The following ESR1 variants were observed in gnomAD, a reference collection of about 807,000 sequenced individuals.
ESR1 encodes the protein estrogen receptor 1.
ESR1 carries 12 observed loss-of-function variants against 52.7 expected under a neutral mutation model. The observed-to-expected ratio is 0.23, with a 90% CI of 0.15 to 0.37. The LOEUF is 0.37. ESR1 is among the 10% of genes least tolerant of loss of function. ESR1 has a pLI of 1.00. For missense variants in ESR1, 584 were observed against 779.7 expected (o/e 0.75, Z 2.99); for synonymous variants, 305 against 316.8 (o/e 0.96, Z 0.39).
chr6:151,957,197 C>G (rs1446560686), intron 4 of ESR1, among the ~76,000 whole-genome samples: 3 of 152,032 alleles, frequency 2.0e-5, no homozygotes, highest in Non-Finnish European at 4.4e-5. Flanking sequence ...TATATTACAG[C>G]CGTTGAAGGA....
chr6:151,808,011 C>T lies in ESR1; in HGVS notation c.99C>T (p.Ile33=), dbSNP rs562174818. The T allele has an allele frequency of 6.2e-6, 10 of 1,613,912 alleles. No homozygotes were observed. The South Asian group carries it at 7.7e-5, about 12-fold the overall frequency. Residue 33 remains isoleucine (I), a synonymous_variant, in exon 1 of 8, where the codon ATC becomes ATT. Transcript: ENST00000206249. Reference sequence around the variant, plus strand: ...CCCTGAACCGTCCGCAGCTCAAGATCCCCCTGGAGCGGCCCCTGGGCGAGG... The same window carrying T: ...CCCTGAACCGTCCGCAGCTCAAGATTCCCCTGGAGCGGCCCCTGGGCGAGG... ...LEPLNRPQLK[I]PLERPLGEVY... is the part of the protein sequence containing the mutation.
intron 3 of ESR1, among the ~76,000 whole-genome samples, chr6:151,896,899 G>A (rs999066160): frequency 2.0e-5 from 3 of 151,964 alleles, no homozygotes; most frequent in African/African-American, 4.8e-5. Flanking sequence ...TGTTCAATTC[G>A]AAGAATTTTA....
intron 6 of ESR1, among the ~76,000 whole-genome samples, chr6:152,069,991 C>T (rs1214776347): frequency 3.6e-5 from 5 of 137,506 alleles, no homozygotes; most frequent in Non-Finnish European, 1.5e-5. Flanking sequence ...GTAGGATTAG[C>T]TGGAGTCAGA....
intron 3 of ESR1, among the ~76,000 whole-genome samples, chr6:151,913,261 G>A (rs190542615): frequency 6.6e-6 from 1 of 152,160 alleles, no homozygotes; most frequent in East Asian, 1.9e-4. Flanking sequence ...CACCTACTTT[G>A]TCACGTCACA....
intron 4 of ESR1, among the ~76,000 whole-genome samples, chr6:151,945,805 T>C (rs1172194637): frequency 6.6e-6 from 1 of 152,208 alleles, no homozygotes; most frequent in Non-Finnish European, 1.5e-5. Context: ...TGTCTGGCCT[T>C]AGAGAATCTT....
chr6:151,979,828 T>A (rs1480205731), intron 4 of ESR1, among the ~76,000 whole-genome samples: 3 of 152,174 alleles, frequency 2.0e-5, no homozygotes, highest in Non-Finnish European at 4.4e-5. Flanking sequence ...AATACCAAAT[T>A]GCACACAGAT....
Position 151,791,431 on chromosome 6 carries a change from T to C in ESR1, c.-70-16412T>C, listed in dbSNP as rs145969935. Among the ~76,000 whole-genome samples, 363 of 152,316 alleles carry C rather than the reference T, an allele frequency of 2.4e-3. 3 individuals carry two copies. The highest frequency in any genetic ancestry group is 8.3e-3 in the African/African-American group (344 of 41,564). On this transcript the variant is annotated intron_variant, in intron 2 of 2. Coordinates refer to the ESR1 transcript ENST00000404742. ...GCTCTTCCTTTGTCTTCTGCCATGA[T>C]TGTGAGGCCTTCCCAGCCATGTGGA...
chr6:151,741,241 C>T (rs1783074333), intron 2 of ESR1, among the ~76,000 whole-genome samples: 1 of 152,110 alleles, frequency 6.6e-6, no homozygotes, highest in Non-Finnish European at 1.5e-5. Context: ...TTCTCCTCCT[C>T]ACTCCAGTAT....
At chr6:151,873,586 A>G (rs1267602231) in intron 2 of ESR1, among the ~76,000 whole-genome samples, 1 of 152,218 alleles carries the variant, frequency 6.6e-6, no homozygotes, top group African/African-American at 2.4e-5. Flanking sequence ...TCACGTGCAG[A>G]TTCTTACTAT....
At chr6:151,967,754 C>G (rs2038434294) in intron 4 of ESR1, among the ~76,000 whole-genome samples, 1 of 152,164 alleles carries the variant, frequency 6.6e-6, no homozygotes, top group Non-Finnish European at 1.5e-5. Context: ...CTTGAAGAAT[C>G]ACCACGCTGT....
intron 1 of ESR1, among the ~76,000 whole-genome samples, chr6:151,671,019 C>T (rs145447104): frequency 3.0e-4 from 45 of 152,212 alleles, no homozygotes; most frequent in African/African-American, 1.0e-3. Flanking sequence ...CTGCCTGCCT[C>T]GGCCTCCAAA....
At chr6:151,801,183 A>G (rs1298251434), upstream of ESR1, among the ~76,000 whole-genome samples, 2 of 152,106 alleles carry the variant, frequency 1.3e-5, no homozygotes, top group African/African-American at 2.4e-5. Context: ...TAAGCTGGCA[A>G]TGAAATTCCT....
At chr6:151,669,147 G>GGGGA (rs1554231683) in intron 1 of ESR1, among the ~76,000 whole-genome samples, 23 of 69,298 alleles carry the variant, frequency 3.3e-4, no homozygotes, top group African/African-American at 1.8e-3. Flanking sequence ...TTGGGAGCTG[G>GGGGA]GAGAGAGAGA....
At chr6:152,024,758 TTA>T (rs933679697) in intron 5 of ESR1, among the ~76,000 whole-genome samples, 32 of 148,130 alleles carry the variant, frequency 2.2e-4, no homozygotes, top group Admixed American at 1.8e-3. Flanking sequence ...ATATATGTAT[TTA>T]TATGTGTATC....
chr6:151,886,344 G>GC (rs1400301852), intron 3 of ESR1, among the ~76,000 whole-genome samples: 4 of 152,130 alleles, frequency 2.6e-5, no homozygotes, highest in Non-Finnish European at 5.9e-5. Flanking sequence ...CAATTGATGT[G>GC]CAGGACTCTT....
At chr6:151,924,069 A>T (rs1428632211) in intron 3 of ESR1, among the ~76,000 whole-genome samples, 1 of 152,106 alleles carries the variant, frequency 6.6e-6, no homozygotes, top group Non-Finnish European at 1.5e-5. Context: ...TTTGAGATGG[A>T]GTCTCGCTCT....
Position 151,684,159 on chromosome 6 carries a change from A to G in ESR1, n.74-17716A>G, listed in dbSNP as rs571087611. On this transcript the variant is annotated intron_variant and non_coding_transcript_variant, in intron 1 of 2. Coordinates refer to the ESR1 transcript ENST00000473497. ...AAGTGGCATGTGGAGAGATTCAGAG[A>G]AGGGTAGAATAGGATGATGTTGGGC... Among the ~76,000 whole-genome samples the G allele has an allele frequency of 9.2e-5, 14 of 152,072 alleles. No individual in the cohort carries two copies. In the South Asian group the frequency reaches 2.7e-3, roughly 29 times the overall value.
At chr6:151,806,580 G>T (rs1242616231), upstream of ESR1, among the ~76,000 whole-genome samples, 1 of 119,316 alleles carries the variant, frequency 8.4e-6, no homozygotes. Context: ...GTGTGTGTAT[G>T]TGCGTGTGCA....
chr6:152,010,467 G>A (rs541517446), intron 4 of ESR1, among the ~76,000 whole-genome samples: 2 of 152,168 alleles, frequency 1.3e-5, no homozygotes, highest in Non-Finnish European at 2.9e-5. Context: ...GAAAGGTTGA[G>A]GGCAAAGAGA....
Sources: allele counts gnomAD v4.1 joint callset (sites outside exome capture counted in the v4.1 genomes callset), GRCh38; gene constraint gnomAD v4.1.1; transcripts MANE v1.5; gene names NCBI Gene and HGNC (gene_info 2026-07-23, HGNC 2026-07-21).